The following TBL1X variants were observed in gnomAD, a reference collection of about 807,000 sequenced individuals.
The protein encoded by TBL1X is transducin beta like 1 X-linked.
TBL1X carries 10 observed loss-of-function variants against 50.7 expected under a neutral mutation model. That is an observed-to-expected ratio of 0.20 (90% CI 0.12 to 0.33). The LOEUF is 0.33. Ranked by LOEUF, TBL1X falls within the 10% of genes least tolerant of loss-of-function variation. The pLI, the probability that TBL1X is intolerant of heterozygous loss-of-function variation, is 1.00. For synonymous variants in TBL1X, 190 were observed against 214.7 expected, an observed-to-expected ratio of 0.88 and a Z score of 1.01; for missense variants, 340 against 504.4, an observed-to-expected ratio of 0.67 and a Z score of 3.12.
At position 9,557,627 on chromosome X, in the gene TBL1X, G is replaced by A. The variant is rs751928785; in HGVS notation, c.-131+55778G>A. On this transcript the variant is annotated intron_variant, in intron 2 of 17. Coordinates refer to ENST00000645353, the MANE Select transcript of TBL1X (RefSeq NM_005647.4). ...GGAGTTAAAGGGTAGAATCAGGCTGGGGAGAGCAAATTTACTTTTGAAATA... is the reference window on the plus strand; with the variant it reads ...GGAGTTAAAGGGTAGAATCAGGCTGAGGAGAGCAAATTTACTTTTGAAATA... 1.6e-4 allele frequency among the ~76,000 whole-genome samples: 18 copies of A among 111,561 alleles called. No homozygotes were observed. In the Admixed American group the frequency reaches 1.6e-3, roughly 10 times the overall value.
At chrX:9,681,032 TGA>T (rs909870138) in intron 5 of TBL1X, among the ~76,000 whole-genome samples, 6 of 112,394 alleles carry the variant, frequency 5.3e-5, no homozygotes, top group African/African-American at 1.9e-4. Flanking sequence ...GATCTAGAAA[TGA>T]AATCTGTGTT....
chrX:9,475,925 G>T (rs1272037744), intron 1 of TBL1X, among the ~76,000 whole-genome samples: 1 of 112,173 alleles, frequency 8.9e-6, no homozygotes, highest in Non-Finnish European at 1.9e-5. Flanking sequence ...ATACACTTGC[G>T]CAGTGCATTA....
chrX:9,463,377 A>G (rs912288825), upstream of TBL1X: 4 of 111,990 alleles, frequency 3.6e-5, no homozygotes, highest in Non-Finnish European at 7.5e-5. Flanking sequence ...GGAAGGCCCC[A>G]CCATGTCCTT....
chrX:9,561,748 C>T (rs181104619), intron 2 of TBL1X, among the ~76,000 whole-genome samples: 47 of 112,206 alleles, frequency 4.2e-4, no homozygotes, highest in African/African-American at 1.4e-3. Flanking sequence ...TTTTTTCCCT[C>T]TCTATAGACA....
intron 16 of TBL1X, among the ~76,000 whole-genome samples, chrX:9,714,050 A>G (rs1238792241): frequency 9.3e-6 from 1 of 107,923 alleles, no homozygotes; most frequent in Non-Finnish European, 1.9e-5. Context: ...CTTGGGCTCA[A>G]TCCGTCCTCC....
At chrX:9,689,102 G>T (rs999973729) in intron 7 of TBL1X, among the ~76,000 whole-genome samples, 2 of 113,647 alleles carry the variant, frequency 1.8e-5, no homozygotes, top group Non-Finnish European at 3.7e-5. Flanking sequence ...TTGTGTGCGT[G>T]TGTGTGCGCA....
intron 7 of TBL1X, among the ~76,000 whole-genome samples, chrX:9,689,970 A>G (rs143089922): frequency 2.5e-3 from 283 of 112,522 alleles, no homozygotes; most frequent in African/African-American, 8.5e-3. Context: ...ACTCCTACTC[A>G]GTGACACGTA....
chrX:9,630,130 G>A (rs1452986596), intron 2 of TBL1X, among the ~76,000 whole-genome samples: 1 of 111,731 alleles, frequency 9.0e-6, no homozygotes, highest in Non-Finnish European at 1.9e-5. Context: ...GTCTCCTGGA[G>A]GGGCCTAATG....
At chrX:9,480,229 T>C (rs1281288932) in intron 1 of TBL1X, among the ~76,000 whole-genome samples, 1 of 112,003 alleles carries the variant, frequency 8.9e-6, no homozygotes, top group Non-Finnish European at 1.9e-5. Context: ...GCTGGGATTA[T>C]AGGCGTGAGC....
intron 1 of TBL1X, among the ~76,000 whole-genome samples, chrX:9,474,806 C>T (rs773269706): frequency 5.3e-5 from 6 of 112,820 alleles, no homozygotes; most frequent in African/African-American, 1.6e-4. Flanking sequence ...AAGACATCAA[C>T]GTGAGATTGT....
chrX:9,519,831 A>G (rs978679276), intron 2 of TBL1X, among the ~76,000 whole-genome samples: 23 of 112,106 alleles, frequency 2.1e-4, no homozygotes, highest in African/African-American at 7.1e-4. Flanking sequence ...GAATTCAAAA[A>G]CGGCAGTGAC....
At position 9,563,681 on chromosome X, in the gene TBL1X, C is replaced by T. The variant is rs186387287; in HGVS notation, c.-131+61832C>T. 2.7e-5 allele frequency among the ~76,000 whole-genome samples: 3 copies of T among 112,506 alleles called. No individual in the cohort carries two copies. In the East Asian group the frequency reaches 8.3e-4, roughly 31 times the overall value. On this transcript the variant is annotated intron_variant, in intron 2 of 17. Coordinates refer to ENST00000645353, the MANE Select transcript of TBL1X (RefSeq NM_005647.4). ...TCTCACACTAGCCACATTTTGAGTG[C>T]TCAGTAGCCACATGTGGCCAGTGGA...
At chrX:9,511,376 G>C (rs746329839) in intron 2 of TBL1X, among the ~76,000 whole-genome samples, 1 of 111,488 alleles carries the variant, frequency 9.0e-6, no homozygotes, top group South Asian at 3.7e-4. Context: ...TCTCTCCTCA[G>C]ATGTGGCTCC....
intron 16 of TBL1X, among the ~76,000 whole-genome samples, chrX:9,713,421 C>CTTTTTTTTTTTTTTTTTTTTTTTTT (rs757107084): frequency 2.3e-5 from 2 of 87,570 alleles, no homozygotes; most frequent in Non-Finnish European, 2.1e-5. Context: ...ATCCTTAGGA[C>CTTTTTTTTTTTTTTTTTTTTTTTTT]TTTTCTTTTT....
intron 2 of TBL1X, among the ~76,000 whole-genome samples, chrX:9,550,201 T>C (rs1334144422): frequency 9.1e-6 from 1 of 109,465 alleles, no homozygotes; most frequent in East Asian, 2.8e-4. Flanking sequence ...TTACCTTAAT[T>C]GGGGGTGTAG....
intron 5 of TBL1X, among the ~76,000 whole-genome samples, chrX:9,668,032 A>T (rs1349903038): frequency 8.9e-6 from 1 of 112,428 alleles, no homozygotes; most frequent in Non-Finnish European, 1.9e-5. Flanking sequence ...GCATTGTCAA[A>T]TATAAAATGG....
At chrX:9,514,753 AGCCCTTACTTGG>A (rs2082073576) in intron 2 of TBL1X, among the ~76,000 whole-genome samples, 3 of 43,491 alleles carry the variant, frequency 6.9e-5, no homozygotes, top group Non-Finnish European at 1.9e-4. Flanking sequence ...CTAGCCTTGG[AGCCCTTACTTGG>A]ATTTCACCCT....
At chrX:9,499,127 G>A (rs1358209014) in intron 1 of TBL1X, among the ~76,000 whole-genome samples, 1 of 111,821 alleles carries the variant, frequency 8.9e-6, no homozygotes, top group Non-Finnish European at 1.9e-5. Context: ...TTAACATGGT[G>A]CAATAGAGCC....
chrX:9,659,842 G>A (rs769394925), intron 5 of TBL1X, among the ~76,000 whole-genome samples: 3 of 112,290 alleles, frequency 2.7e-5, no homozygotes, highest in East Asian at 2.8e-4. Context: ...TCTGCAGGAC[G>A]CTCATGAAGT....
Sources: gnomAD v4.1 joint callset for allele counts (sites outside exome capture counted in the v4.1 genomes callset) on GRCh38, gnomAD v4.1.1 for gene constraint, MANE v1.5 for transcripts, NCBI Gene and HGNC (gene_info 2026-07-23, HGNC 2026-07-21) for gene names.